PRKG1: variants seen among roughly 807,000 people sequenced by gnomAD.
The protein encoded by PRKG1 is protein kinase cGMP-dependent 1.
A neutral mutation model predicts 88.1 loss-of-function variants in PRKG1; 35 were observed. That is an observed-to-expected ratio of 0.40 (90% CI 0.30 to 0.53). The LOEUF is 0.53. PRKG1 is among the 20% of genes least tolerant of loss of function. The pLI, the probability that PRKG1 is intolerant of heterozygous loss-of-function variation, is 0.59. For missense variants in PRKG1, 540 were observed against 839.8 expected (o/e 0.64, Z 4.41); for synonymous variants, 303 against 292.5 (o/e 1.04, Z -0.37).
intron 1 of PRKG1, among the ~76,000 whole-genome samples, chr10:51,114,943 GT>G (rs1375493915): frequency 3.3e-5 from 5 of 152,100 alleles, no homozygotes; most frequent in Non-Finnish European, 5.9e-5. Flanking sequence ...TTGAATATTT[GT>G]TTTGGCTTAT....
At chr10:51,374,936 GC>G (rs1842787319) in intron 2 of PRKG1, among the ~76,000 whole-genome samples, 2 of 152,126 alleles carry the variant, frequency 1.3e-5, no homozygotes, top group South Asian at 2.1e-4. Flanking sequence ...TGCCATGTGG[GC>G]CTCTCCATAT....
intron 3 of PRKG1, among the ~76,000 whole-genome samples, chr10:51,746,037 A>G (rs1036037057): frequency 2.0e-5 from 3 of 152,066 alleles, no homozygotes; most frequent in African/African-American, 7.2e-5. Context: ...TTAAATAGAA[A>G]CTAGGTCTTG....
intron 4 of PRKG1, among the ~76,000 whole-genome samples, chr10:51,841,056 G>A (rs1318834526): frequency 6.6e-6 from 1 of 152,138 alleles, no homozygotes; most frequent in East Asian, 1.9e-4. Context: ...TTGTCATATA[G>A]CCATTTTGTA....
chr10:51,284,364 G>C (rs1376744582), intron 2 of PRKG1, among the ~76,000 whole-genome samples: 1 of 152,180 alleles, frequency 6.6e-6, no homozygotes, highest in African/African-American at 2.4e-5. Context: ...AGGAAGCTGA[G>C]GCTCAGAATG....
At chr10:52,035,007 G>T (rs960242454) in intron 5 of PRKG1, among the ~76,000 whole-genome samples, 1 of 152,184 alleles carries the variant, frequency 6.6e-6, no homozygotes, top group Non-Finnish European at 1.5e-5. Context: ...CTTGAAGACA[G>T]AGGACCATAA....
At chr10:52,085,450 A>G (rs998129343) in intron 7 of PRKG1, among the ~76,000 whole-genome samples, 3 of 152,098 alleles carry the variant, frequency 2.0e-5, no homozygotes, top group Non-Finnish European at 4.4e-5. Context: ...TCAATGGCTG[A>G]TCAATTACTT....
At chr10:51,676,111 C>CA (rs879812918) in intron 3 of PRKG1, among the ~76,000 whole-genome samples, 313 of 134,066 alleles carry the variant, frequency 2.3e-3, no homozygotes, top group African/African-American at 5.4e-3. Context: ...TCTATTAAAA[C>CA]AAAAAAAAAA....
At chr10:52,136,856 C>G (rs1420818222) in intron 8 of PRKG1, among the ~76,000 whole-genome samples, 1 of 151,968 alleles carries the variant, frequency 6.6e-6, no homozygotes, top group Non-Finnish European at 1.5e-5. Flanking sequence ...GAGAAGAAAC[C>G]TTGAGAGAGG....
At chr10:51,553,718 GTATATATTAGATA>G (rs1443552944) in intron 3 of PRKG1, among the ~76,000 whole-genome samples, 6 of 137,596 alleles carry the variant, frequency 4.4e-5, no homozygotes, top group African/African-American at 1.5e-4. Context: ...TATAATATAT[GTATATATTAGATA>G]CGTGTATATA....
At chr10:51,865,554 C>G (rs1394934674) in intron 4 of PRKG1, among the ~76,000 whole-genome samples, 1 of 151,788 alleles carries the variant, frequency 6.6e-6, no homozygotes, top group Non-Finnish European at 1.5e-5. Flanking sequence ...CTGAATCTGC[C>G]TTATATTAGA....
At chr10:51,168,304 A>G (rs772431304) in intron 2 of PRKG1, among the ~76,000 whole-genome samples, 1 of 152,160 alleles carries the variant, frequency 6.6e-6, no homozygotes, top group Non-Finnish European at 1.5e-5. Context: ...GAAACAGAGA[A>G]TACAGCTGCC....
At chr10:52,018,832 T>A (rs1248618065) in intron 5 of PRKG1, among the ~76,000 whole-genome samples, 1 of 152,138 alleles carries the variant, frequency 6.6e-6, no homozygotes, top group Non-Finnish European at 1.5e-5. Context: ...AGTGAAAAAG[T>A]ACTGGAAGAC....
chr10:52,189,720 T>C (rs1839316793), intron 9 of PRKG1, among the ~76,000 whole-genome samples: 1 of 152,214 alleles, frequency 6.6e-6, no homozygotes, highest in Admixed American at 6.5e-5. Context: ...CCCCTCATGC[T>C]CTGGTGGATT....
chr10:52,030,002 G>A (rs1262406509), intron 5 of PRKG1, among the ~76,000 whole-genome samples: 1 of 152,140 alleles, frequency 6.6e-6, no homozygotes, highest in African/African-American at 2.4e-5. Flanking sequence ...AAGCCACCAT[G>A]TCTCTGGCTC....
chr10:51,493,640 T>C (rs1158873093), intron 3 of PRKG1, among the ~76,000 whole-genome samples: 1 of 152,174 alleles, frequency 6.6e-6, no homozygotes, highest in Non-Finnish European at 1.5e-5. Flanking sequence ...GGAAATGCAA[T>C]GGAATTTTAG....
intron 2 of PRKG1, among the ~76,000 whole-genome samples, chr10:51,417,009 G>C (rs964336516): frequency 6.6e-6 from 1 of 152,080 alleles, no homozygotes; most frequent in African/African-American, 2.4e-5. Context: ...AATCACCCCT[G>C]CATTGTTTCC....
At chr10:51,242,376 T>A (rs186178350) in intron 2 of PRKG1, among the ~76,000 whole-genome samples, 1 of 152,310 alleles carries the variant, frequency 6.6e-6, no homozygotes, top group East Asian at 1.9e-4. Flanking sequence ...ACAGTTTCTC[T>A]ATCAAAGGAA....
intron 4 of PRKG1, among the ~76,000 whole-genome samples, chr10:51,843,550 C>G (rs1327273986): frequency 6.6e-6 from 1 of 152,186 alleles, no homozygotes; most frequent in Non-Finnish European, 1.5e-5. Context: ...TAAAGAACAG[C>G]AACCACGTTC....
At chr10:51,238,246 C>T (rs950099374) in intron 2 of PRKG1, among the ~76,000 whole-genome samples, 3 of 152,112 alleles carry the variant, frequency 2.0e-5, no homozygotes, top group African/African-American at 2.4e-5. Context: ...GAACTTTCAT[C>T]GTTGTACTTT....
Sources: gnomAD v4.1 joint callset for allele counts (sites outside exome capture counted in the v4.1 genomes callset) on GRCh38, gnomAD v4.1.1 for gene constraint, MANE v1.5 for transcripts, NCBI Gene and HGNC (gene_info 2026-07-23, HGNC 2026-07-21) for gene names.